The following MGAT4C variants were observed in gnomAD, a reference collection of about 807,000 sequenced individuals.
MGAT4C encodes the protein MGAT4 family member C, also known as alpha-1,3-mannosyl-glycoprotein 4-beta-N-acetylglucosaminyltransferase C.
In MGAT4C, 19 loss-of-function variants were observed where a neutral mutation model predicts 40.1. The observed-to-expected ratio is 0.47, with a 90% CI of 0.33 to 0.70. The LOEUF is 0.70. MGAT4C is among the 30% of genes least tolerant of loss of function. The pLI is 0.02. For missense variants in MGAT4C, 491 were observed against 563.2 expected, an observed-to-expected ratio of 0.87 and a Z score of 1.30; for synonymous variants, 181 against 187.1, an observed-to-expected ratio of 0.97 and a Z score of 0.27.
chr12:86,016,262 T>A (rs1383782674), intron 2 of MGAT4C: 1 of 152,222 alleles, frequency 6.6e-6, no homozygotes, highest in Admixed American at 6.5e-5. Context: ...CATCAAGTTT[T>A]GTCACAAGGT....
chr12:86,772,309 A>G (rs192708410), intron 1 of MGAT4C, among the ~76,000 whole-genome samples: 2 of 152,198 alleles, frequency 1.3e-5, no homozygotes, highest in Non-Finnish European at 2.9e-5. Flanking sequence ...AATTCGATAC[A>G]TGCTGAAACA....
At chr12:86,372,334 C>T (rs981369980) in intron 3 of MGAT4C, among the ~76,000 whole-genome samples, 6 of 151,748 alleles carry the variant, frequency 4.0e-5, no homozygotes, top group Non-Finnish European at 7.4e-5. Context: ...ATCAATAAAA[C>T]ACACCCTGGA....
At chr12:86,634,836 T>C (rs965699734) in intron 2 of MGAT4C, among the ~76,000 whole-genome samples, 22 of 152,156 alleles carry the variant, frequency 1.4e-4, no homozygotes, top group African/African-American at 4.1e-4. Flanking sequence ...TTCTTTACCA[T>C]ATTCTCTTGA....
At chr12:86,770,272 G>T (rs1951606971) in intron 1 of MGAT4C, among the ~76,000 whole-genome samples, 1 of 151,836 alleles carries the variant, frequency 6.6e-6, no homozygotes, top group African/African-American at 2.4e-5. Context: ...TATATACCTG[G>T]TCTACCAAAT....
chr12:86,797,481 CAG>C (rs1952146300), intron 1 of MGAT4C, among the ~76,000 whole-genome samples: 1 of 151,604 alleles, frequency 6.6e-6, no homozygotes, highest in Non-Finnish European at 1.5e-5. Flanking sequence ...CCAAATGTAA[CAG>C]ATATTTTTTT....
At chr12:86,552,567 A>G (rs1326634325) in intron 2 of MGAT4C, among the ~76,000 whole-genome samples, 1 of 152,164 alleles carries the variant, frequency 6.6e-6, no homozygotes, top group Non-Finnish European at 1.5e-5. Flanking sequence ...TTTGAGATGA[A>G]TAGTTATTCT....
intron 3 of MGAT4C, among the ~76,000 whole-genome samples, chr12:86,408,479 CTATATATATATATATA>C (rs71076198): frequency 1.6e-5 from 1 of 63,368 alleles, no homozygotes; most frequent in Admixed American, 1.9e-4. Flanking sequence ...CTCTCTCTCT[CTATATATATATATATA>C]TATATATATA....
At chr12:86,411,156 C>CA (rs979406642) in intron 3 of MGAT4C, among the ~76,000 whole-genome samples, 1 of 151,804 alleles carries the variant, frequency 6.6e-6, no homozygotes, top group Non-Finnish European at 1.5e-5. Flanking sequence ...TGGACTAATA[C>CA]AAAAAAAGGT....
chr12:86,261,552 T>A (rs936017441), intron 4 of MGAT4C, among the ~76,000 whole-genome samples: 1 of 152,068 alleles, frequency 6.6e-6, no homozygotes, highest in Non-Finnish European at 1.5e-5. Flanking sequence ...AAGTAACTTT[T>A]AAGATATATA....
At chr12:86,490,602 T>C (rs901223100) in intron 2 of MGAT4C, among the ~76,000 whole-genome samples, 7 of 152,126 alleles carry the variant, frequency 4.6e-5, no homozygotes, top group African/African-American at 1.7e-4. Flanking sequence ...ATGGACTAAA[T>C]GCTCCAATTA....
chr12:86,543,258 T>A (rs908821033), intron 2 of MGAT4C, among the ~76,000 whole-genome samples: 1 of 151,456 alleles, frequency 6.6e-6, no homozygotes, highest in African/African-American at 2.4e-5. Context: ...CATATGGCAA[T>A]TTTTATATTT....
intron 2 of MGAT4C, among the ~76,000 whole-genome samples, chr12:86,470,309 G>C (rs544538288): frequency 6.6e-6 from 1 of 152,140 alleles, no homozygotes; most frequent in Non-Finnish European, 1.5e-5. Context: ...AGTACCCTTT[G>C]GTTCTCTCTC....
chr12:86,545,742 G>A (rs149136592), intron 2 of MGAT4C, among the ~76,000 whole-genome samples: 1 of 151,168 alleles, frequency 6.6e-6, no homozygotes, highest in Non-Finnish European at 1.5e-5. Context: ...TTTAACTCTC[G>A]GCTTGATAGA....
intron 2 of MGAT4C, among the ~76,000 whole-genome samples, chr12:86,483,737 A>G (rs1957972017): frequency 6.7e-6 from 1 of 149,780 alleles, no homozygotes; most frequent in South Asian, 2.2e-4. Context: ...TAGAGCCTGT[A>G]AGTCTCCTAC....
chr12:86,774,342 TCTCTCTCTCTCCCCTCTCTCTCTCTC>T (rs1951708050), intron 1 of MGAT4C, among the ~76,000 whole-genome samples: 6 of 88,204 alleles, frequency 6.8e-5, no homozygotes, highest in Non-Finnish European at 9.9e-5. Context: ...TTTCTTTCTG[TCTCTCTCTCTCCCCTCTCTCTCTCTC>T]TCTTTCTGTC....
At position 85,979,467 on chromosome 12, in the gene MGAT4C, C is replaced by A. The variant is rs1884279798; in HGVS notation, c.1259G>T (p.Ser420Ile). 2 of 1,613,370 alleles carry A rather than the reference C, an allele frequency of 1.2e-6. No individual in the cohort carries two copies. The highest frequency in any genetic ancestry group is 1.7e-6 in the Non-Finnish European group (2 of 1,179,584). ...AGTAGAACATTGTCTCCTTTGTTTG[C>A]TAGGCATAACGTTTTCCCCAACATC... ...ALDVGENVMP[S>I]KQRRQCSTYL... Residue 420 changes from serine (S) to isoleucine (I), a missense_variant, in exon 5 of 5, where the codon AGC becomes ATC. By Grantham distance (142) the Ser-to-Ile change is moderately radical. Coordinates refer to ENST00000611864, the MANE Select transcript of MGAT4C (RefSeq NM_001351288.2).
chr12:86,246,178 G>GT (rs1952016330), intron 1 of MGAT4C, among the ~76,000 whole-genome samples: 1 of 104,796 alleles, frequency 9.5e-6, no homozygotes, highest in African/African-American at 3.5e-5. Context: ...GTGTACCATT[G>GT]CTTTTTTTTT....
intron 2 of MGAT4C, among the ~76,000 whole-genome samples, chr12:86,504,172 C>G (rs550371790): frequency 6.6e-6 from 1 of 151,922 alleles, no homozygotes; most frequent in African/African-American, 2.4e-5. Flanking sequence ...TTGGCAATAC[C>G]TAGTGAGGAT....
intron 1 of MGAT4C, among the ~76,000 whole-genome samples, chr12:86,769,442 T>C (rs1156659371): frequency 6.6e-6 from 1 of 152,190 alleles, no homozygotes; most frequent in Non-Finnish European, 1.5e-5. Flanking sequence ...TCAACCATTG[T>C]GGAAGTCAGT....
Sources: allele counts gnomAD v4.1 joint callset (sites outside exome capture counted in the v4.1 genomes callset), GRCh38; gene constraint gnomAD v4.1.1; transcripts MANE v1.5; gene names NCBI Gene and HGNC (gene_info 2026-07-23, HGNC 2026-07-21).